EPB41L1: variants seen among roughly 807,000 people sequenced by gnomAD.
EPB41L1 encodes band 4.1-like protein 1.
In EPB41L1, 29 loss-of-function variants were observed where a neutral mutation model predicts 97.8. The observed-to-expected ratio is 0.30, with a 90% CI of 0.22 to 0.40. The LOEUF (loss-of-function observed/expected upper bound fraction) is 0.40, where lower values mean the gene tolerates loss of function less well. Ranked by LOEUF, EPB41L1 falls within the 10% of genes least tolerant of loss-of-function variation. EPB41L1 has a pLI of 1.00. For synonymous variants in EPB41L1, 383 were observed against 459.2 expected (o/e 0.83, Z 2.12); for missense variants, 812 against 1,162.3 (o/e 0.70, Z 4.38).
intron 1 of EPB41L1, among the ~76,000 whole-genome samples, chr20:36,096,574 T>A (rs970175799): frequency 2.0e-5 from 3 of 152,236 alleles, no homozygotes; most frequent in African/African-American, 7.2e-5. Flanking sequence ...CTGCTTCTTA[T>A]CTTGATTAAC....
chr20:36,170,138 T>C (rs969315898), intron 1 of EPB41L1, among the ~76,000 whole-genome samples: 3 of 152,184 alleles, frequency 2.0e-5, no homozygotes, highest in East Asian at 1.9e-4. Context: ...GATTTCATCA[T>C]AGATTTTTTT....
upstream of EPB41L1, among the ~76,000 whole-genome samples, chr20:36,150,225 C>T (rs1354427951): frequency 1.3e-5 from 2 of 152,184 alleles, no homozygotes; most frequent in African/African-American, 2.4e-5. Context: ...CACATGCCAC[C>T]ATGCCCGGCT....
intron 5 of EPB41L1, among the ~76,000 whole-genome samples, chr20:36,180,886 G>C (rs2061445625): frequency 6.6e-6 from 1 of 152,172 alleles, no homozygotes; most frequent in Non-Finnish European, 1.5e-5. Context: ...AGGAGCCTGG[G>C]CTCTGGGGCC....
chr20:36,193,586 A>G (rs1327666198), intron 11 of EPB41L1, among the ~76,000 whole-genome samples: 15 of 152,212 alleles, frequency 9.9e-5, no homozygotes. Flanking sequence ...TCAGAAAAGC[A>G]TTTTGGAATA....
At position 36,123,170 on chromosome 20, in the gene EPB41L1, G is replaced by A. The variant is rs140604942; in HGVS notation, c.-10+10690G>A. On this transcript the variant is annotated intron_variant, in intron 2 of 19. Coordinates refer to the EPB41L1 transcript ENST00000202028. Reference sequence around the variant, plus strand: ...AACCAGGCTTTCTGAACGTCTCCATGATCGGGGGGGAGGGGCAGAGGTAGA... The same window carrying A: ...AACCAGGCTTTCTGAACGTCTCCATAATCGGGGGGGAGGGGCAGAGGTAGA... Among the ~76,000 whole-genome samples the A allele has an allele frequency of 6.8e-3, 1,031 of 152,058 alleles. 4 individuals carry two copies. Among genetic ancestry groups the A allele is most frequent in the Non-Finnish European group, 0.011 (780 of 67,994 alleles).
At chr20:36,208,884 C>G (rs2062973802) in intron 14 of EPB41L1, among the ~76,000 whole-genome samples, 1 of 152,294 alleles carries the variant, frequency 6.6e-6, no homozygotes, top group South Asian at 2.1e-4. Context: ...GCTGGCGTAG[C>G]ACTCAGCTCC....
intron 2 of EPB41L1, among the ~76,000 whole-genome samples, chr20:36,126,515 T>A (rs1383956848): frequency 6.6e-6 from 1 of 152,086 alleles, no homozygotes; most frequent in Non-Finnish European, 1.5e-5. Flanking sequence ...TACAGGCATG[T>A]GCCACCACGC....
chr20:36,231,914 C>T lies in EPB41L1; in HGVS notation c.*2574C>T, dbSNP rs1427981404. The T allele has an allele frequency of 6.5e-6, 1 of 152,854 alleles. No individual in the cohort carries two copies. Among genetic ancestry groups the T allele is most frequent in the Non-Finnish European group, 1.5e-5 (1 of 68,116 alleles). The allele number at this position is 152,854 out of a possible 1,614,324, so 9.5% of individuals were successfully genotyped here. ...TCTGGGCCACTTCGGTCTAGGAACT[C>T]ATCTTTGCAGGAACCAGGAGTCCTG... is the stretch of plus-strand genomic sequence containing the variant. On this transcript the variant is annotated 3_prime_UTR_variant, in exon 22 of 22. Coordinates refer to ENST00000338074, the MANE Select transcript of EPB41L1 (RefSeq NM_012156.2).
Position 36,092,518 on chromosome 20 carries a change from T to C in EPB41L1, c.-65+906T>C, listed in dbSNP as rs1488360312. Among the ~76,000 whole-genome samples, 1 of 151,450 alleles carries C rather than the reference T, an allele frequency of 6.6e-6. No individual in the cohort carries two copies. The highest frequency in any genetic ancestry group is 1.5e-5 in the Non-Finnish European group (1 of 67,798). ...TCCGGCGGCTCCGGCGCTCCCCTGG[T>C]GTTGGCTGCTCGCCGCCGCTGCTTG... On this transcript the variant is annotated intron_variant, in intron 1 of 19. Transcript: ENST00000202028. This position sits in a 1 kb window ranked among gnomAD's most constrained non-coding sequence, Gnocchi z 7.0.
At chr20:36,142,957 C>T (rs929055500) in intron 2 of EPB41L1, among the ~76,000 whole-genome samples, 2 of 152,202 alleles carry the variant, frequency 1.3e-5, no homozygotes, top group African/African-American at 2.4e-5. Flanking sequence ...TGTCCATTCA[C>T]GTAGTGGAGA....
At chr20:36,185,085 C>G in intron 6 of EPB41L1, 32 bp from the exon 7 acceptor site, 2 of 1,606,302 alleles carry the variant, frequency 1.2e-6, no homozygotes, top group African/African-American at 2.7e-5. Flanking sequence ...GAGTAGGGCC[C>G]TGTGCCCATG....
Position 36,188,470 on chromosome 20 carries a change from A to G in EPB41L1, c.997A>G (p.Asn333Asp). 6.2e-7 allele frequency: 1 copy of G among 1,613,860 alleles called. No homozygotes were observed. The highest frequency in any genetic ancestry group is 8.5e-7 in the Non-Finnish European group (1 of 1,179,962). Residue 333 changes from asparagine (N) to aspartate (D), a missense_variant, in exon 9 of 22, where the codon AAC (asparagine) becomes GAC (aspartate). Coordinates refer to ENST00000338074, the MANE Select transcript of EPB41L1 (RefSeq NM_012156.2). ...CCTCAAGATCTCCTACAAGAGGAGT[A>G]ACTTCTATATCAAGATCCGGCCTGG... is the stretch of plus-strand genomic sequence containing the variant. ...KILKISYKRSNFYIKIRPGEY... is the reference protein window; with the variant it reads ...KILKISYKRSDFYIKIRPGEY...
chr20:36,188,322 C>G, intron 8 of EPB41L1, 25 bp from the exon 9 acceptor site: 2 of 1,612,424 alleles, frequency 1.2e-6, no homozygotes, highest in Non-Finnish European at 1.7e-6. Context: ...CCGGGCCTCC[C>G]ATTCCATGGT....
At chr20:36,156,731 G>C (rs932874839) in intron 1 of EPB41L1, among the ~76,000 whole-genome samples, 18 of 152,194 alleles carry the variant, frequency 1.2e-4, no homozygotes, top group African/African-American at 4.3e-4. Flanking sequence ...TCAGGGCTGA[G>C]AGAAAGGGCC....
upstream of EPB41L1, chr20:36,154,731 C>CGCT: frequency 2.0e-6 from 2 of 985,468 alleles, no homozygotes; most frequent in African/African-American, 1.8e-5. The surrounding 1 kb of genome is among the most constrained non-coding windows in gnomAD (Gnocchi z 5.5). Context: ...CCGCCGCCGC[C>CGCT]GCTGCTGCAG....
At chr20:36,228,574 T>C (rs1166137240) in intron 21 of EPB41L1, among the ~76,000 whole-genome samples, 1 of 152,224 alleles carries the variant, frequency 6.6e-6, no homozygotes, top group East Asian at 1.9e-4. Context: ...AAGACTCGTC[T>C]GTTAAAAACT....
chr20:36,186,304 T>C (rs1289855785), intron 7 of EPB41L1, among the ~76,000 whole-genome samples: 3 of 152,120 alleles, frequency 2.0e-5, no homozygotes, highest in South Asian at 2.1e-4. Flanking sequence ...TAATTAATAA[T>C]GTGAAGGTGC....
intron 2 of EPB41L1, among the ~76,000 whole-genome samples, chr20:36,135,584 C>T (rs1319058609): frequency 1.3e-5 from 2 of 152,242 alleles, no homozygotes; most frequent in African/African-American, 4.8e-5. Flanking sequence ...ATGGGAAGTG[C>T]AAGTGTCTAG....
intron 6 of EPB41L1, 65 bp downstream of exon 6, chr20:36,182,412 C>A: frequency 6.4e-7 from 1 of 1,560,850 alleles, no homozygotes; most frequent in South Asian, 1.1e-5. Context: ...GGGACCCTGG[C>A]CCTGGGGACA....
Sources: gnomAD v4.1 joint callset for allele counts (sites outside exome capture counted in the v4.1 genomes callset) on GRCh38, gnomAD v4.1.1 for gene constraint, Gnocchi (gnomAD v3.1) non-coding constraint, MANE v1.5 for transcripts, NCBI Gene and HGNC (gene_info 2026-07-23, HGNC 2026-07-21) for gene names.